LONRF1: variants seen among roughly 807,000 people sequenced by gnomAD.
LONRF1 encodes the protein LON peptidase N-terminal domain and ring finger 1.
LONRF1 carries 37 observed loss-of-function variants against 85.8 expected under a neutral mutation model. The observed-to-expected ratio is 0.43, with a 90% CI of 0.33 to 0.57. LONRF1 has a LOEUF of 0.57. Ranked by LOEUF, LONRF1 falls within the 20% of genes least tolerant of loss-of-function variation. LONRF1 has a pLI of 0.04. For synonymous variants in LONRF1, 517 were observed against 390.1 expected (o/e 1.33, Z -3.83); for missense variants, 1,036 against 978.0 (o/e 1.06, Z -0.79).
chr8:12,751,296 G>GTTTTTTTTTTTTTTTTTT (rs869038024), intron 1 of LONRF1, among the ~76,000 whole-genome samples: 10 of 69,532 alleles, frequency 1.4e-4, no homozygotes, highest in Admixed American at 1.7e-4. Context: ...TTATTTTTAT[G>GTTTTTTTTTTTTTTTTTT]TTTTTTTTTT....
intron 2 of LONRF1, among the ~76,000 whole-genome samples, chr8:12,742,200 C>T (rs1330517286): frequency 2.6e-5 from 4 of 152,146 alleles, no homozygotes; most frequent in Non-Finnish European, 5.9e-5. Context: ...ACCAGTCATG[C>T]CATCATGAGA....
rs144861470 is a variant in LONRF1, at chr8:12,744,025, T to C, written c.722-743A>G. 4.5e-3 allele frequency among the ~76,000 whole-genome samples: 688 copies of C among 152,296 alleles called. 4 individuals carry two copies. Among genetic ancestry groups the C allele is most frequent in the Non-Finnish European group, 7.1e-3 (486 of 68,002 alleles). On this transcript the variant is annotated intron_variant, in intron 1 of 11. Coordinates refer to ENST00000398246, the MANE Select transcript of LONRF1 (RefSeq NM_152271.5). Reference sequence around the variant, plus strand: ...CACTGATATTACTGCAATCAATTACTACAGGTACACAGATTCTAAAACTGA... The same window carrying C: ...CACTGATATTACTGCAATCAATTACCACAGGTACACAGATTCTAAAACTGA...
At chr8:12,748,979 G>C (rs1799273869) in intron 1 of LONRF1, among the ~76,000 whole-genome samples, 1 of 152,072 alleles carries the variant, frequency 6.6e-6, no homozygotes, top group South Asian at 2.1e-4. Context: ...ATTGGGTTCA[G>C]ATCCCCTTTT....
At chr8:12,724,227 C>G (rs532010699) in intron 11 of LONRF1, among the ~76,000 whole-genome samples, 9 of 152,244 alleles carry the variant, frequency 5.9e-5, no homozygotes, top group Non-Finnish European at 1.0e-4. Context: ...GAAAGGCACT[C>G]TTGTTGGGTG....
rs531191520 is a variant in LONRF1 at position 12,741,442 on chromosome 8, T to C, written c.841-446A>G. Among the ~76,000 whole-genome samples, 7 of 152,192 alleles carry C rather than the reference T, an allele frequency of 4.6e-5. No individual in the cohort carries two copies. The East Asian group carries it at 1.4e-3, about 29-fold the overall frequency. On this transcript the variant is annotated intron_variant, in intron 2 of 11. Transcript: ENST00000398246. ...ATTCTGAATAATTGAGGCCAAAGCA[T>C]TTTAAAGGCATACCTACACACCACC...
At chr8:12,739,052 A>T (rs1760823626) in intron 3 of LONRF1, among the ~76,000 whole-genome samples, 1 of 152,156 alleles carries the variant, frequency 6.6e-6, no homozygotes, top group Non-Finnish European at 1.5e-5. Context: ...ATCTGTATAT[A>T]CACATTTACA....
At chr8:12,743,330 AC>A in intron 1 of LONRF1, 48 bp from the exon 2 acceptor site, 7 of 1,082,922 alleles carry the variant, frequency 6.5e-6, no homozygotes, top group South Asian at 1.4e-5. Flanking sequence ...AAAGATTATT[AC>A]ATAATCTACA....
intron 8 of LONRF1, among the ~76,000 whole-genome samples, chr8:12,731,453 CCTCT>C (rs780038882): frequency 2.0e-5 from 3 of 152,132 alleles, no homozygotes; most frequent in South Asian, 4.2e-4. Flanking sequence ...ACCAGCGCCC[CCTCT>C]CTATTTCCCA....
intron 7 of LONRF1, among the ~76,000 whole-genome samples, chr8:12,733,302 T>C (rs556303461): frequency 1.1e-4 from 14 of 132,548 alleles, no homozygotes; most frequent in African/African-American, 3.7e-4. Context: ...CAGCCACTCT[T>C]ACATTACTGA....
At position 12,755,135 on chromosome 8, in the gene LONRF1, T is replaced by C; in HGVS notation, c.286A>G (p.Asn96Asp). 6.9e-7 allele frequency: 1 copy of C among 1,455,562 alleles called. No homozygotes were observed. Among genetic ancestry groups the C allele is most frequent in the Non-Finnish European group, 9.0e-7 (1 of 1,108,112 alleles). The allele number at this position is 1,455,562 out of a possible 1,614,324, so 90.2% of individuals were successfully genotyped here. A position where few individuals can be genotyped will look rare whatever the true frequency, so the allele number is the denominator to read the frequency against. Residue 96 changes from asparagine to aspartate, a missense_variant, in exon 1 of 12, where the codon AAC (asparagine) becomes GAC (aspartate). Asn to Asp is a conservative substitution (Grantham distance 23). Transcript: ENST00000398246. Reference sequence around the variant, plus strand: ...CCCAGCCCGTGGCGGAGCCGGTAGTTGAACACCAGGCAGTCCACCAGGGCG... The same window carrying C: ...CCCAGCCCGTGGCGGAGCCGGTAGTCGAACACCAGGCAGTCCACCAGGGCG... ...LGALVDCLVF[N>D]YRLRHGLGWS...
At chr8:12,745,329 A>G (rs1255894344) in intron 1 of LONRF1, among the ~76,000 whole-genome samples, 1 of 148,068 alleles carries the variant, frequency 6.8e-6, no homozygotes, top group African/African-American at 2.5e-5. Flanking sequence ...TGGAAAAAAA[A>G]AAAAAAAAAA....
At position 12,736,802 on chromosome 8, in the gene LONRF1, TAAAAC is replaced by T. The variant is rs1563144355; in HGVS notation, c.1355-10_1355-6del. 7 of 1,599,330 alleles carry T rather than the reference TAAAAC, an allele frequency of 4.4e-6. No homozygotes were observed. The South Asian group carries it at 8.0e-5, about 18-fold the overall frequency. ...TACAGACTTCATTGGGAGTTTCTAT[TAAAAC>T]AAAGACATGGGGTTTTCTTCCTTAG... On this transcript the variant is annotated splice_polypyrimidine_tract_variant and splice_region_variant and intron_variant, in intron 5 of 11. Coordinates refer to ENST00000398246, the MANE Select transcript of LONRF1 (RefSeq NM_152271.5).
chr8:12,741,217 C>G (rs1365522704), intron 2 of LONRF1, among the ~76,000 whole-genome samples: 4 of 152,062 alleles, frequency 2.6e-5, no homozygotes, highest in African/African-American at 4.8e-5. Flanking sequence ...AACCCTGCCT[C>G]TACTACAAAT....
intron 1 of LONRF1, chr8:12,754,327 G>A: frequency 5.8e-6 from 1 of 172,436 alleles, no homozygotes. Context: ...GCGCGCGGCA[G>A]GAAGCGAGCG....
rs1000846728 is a variant in LONRF1, at chr8:12,754,803, C to T, written c.618G>A (p.Pro206=). 8.1e-6 allele frequency: 12 copies of T among 1,490,186 alleles called. No individual in the cohort carries two copies. The highest frequency in any genetic ancestry group is 1.1e-5 in the Non-Finnish European group (12 of 1,126,610). 92.3% of individuals were successfully genotyped at this position (1,490,186 alleles called of 1,614,324 possible). Residue 206 remains proline (P), a synonymous_variant, in exon 1 of 12, where the codon CCG becomes CCA. Transcript: ENST00000398246. The part of the protein sequence containing the change: ...VLNHLAEKWF[P]GQRERARAAG... ...CCGCCCGGGCCCGCTCGCGCTGGCC[C>T]GGAAACCACTTCTCGGCCAGGTGGT...
At chr8:12,738,519 A>G (rs1798808275) in intron 3 of LONRF1, 1 of 153,734 alleles carries the variant, frequency 6.5e-6, no homozygotes, top group South Asian at 2.0e-4. Context: ...ACCTCAATGT[A>G]TATTTACGAA....
intron 1 of LONRF1, among the ~76,000 whole-genome samples, chr8:12,746,687 A>G (rs1360859794): frequency 1.3e-5 from 2 of 152,296 alleles, no homozygotes; most frequent in South Asian, 2.1e-4. Context: ...TACAATCTTC[A>G]GCACAATTCT....
chr8:12,734,266 C>G (rs1798636208), intron 7 of LONRF1, among the ~76,000 whole-genome samples: 3 of 150,562 alleles, frequency 2.0e-5, no homozygotes, highest in Admixed American at 2.0e-4. Context: ...TTTTACATAT[C>G]AGCTTGTTAT....
chr8:12,753,336 A>C (rs1799485202), intron 1 of LONRF1: 1 of 152,122 alleles, frequency 6.6e-6, no homozygotes, highest in Non-Finnish European at 1.5e-5. Context: ...ACAGTCTATA[A>C]ATTTACCTGT....
Sources: allele counts gnomAD v4.1 joint callset (sites outside exome capture counted in the v4.1 genomes callset), GRCh38; gene constraint gnomAD v4.1.1; transcripts MANE v1.5; gene names NCBI Gene and HGNC (gene_info 2026-07-23, HGNC 2026-07-21).